The following COL23A1 variants were observed in gnomAD, a reference collection of about 807,000 sequenced individuals.
COL23A1 encodes the protein collagen alpha-1(XXIII) chain.
In COL23A1, 97 loss-of-function variants were observed where a neutral mutation model predicts 99.3. The ratio of observed to expected loss-of-function variants is 0.98; its 90% CI spans 0.83 to 1.16. The LOEUF (loss-of-function observed/expected upper bound fraction) is 1.16, where lower values mean the gene tolerates loss of function less well. COL23A1 is among the 50% of genes most tolerant of loss of function. The pLI, the probability that COL23A1 is intolerant of heterozygous loss-of-function variation, is 0.00. For missense variants in COL23A1, 762 were observed against 757.4 expected (o/e 1.01, Z -0.07); for synonymous variants, 320 against 308.2 (o/e 1.04, Z -0.40).
chr5:178,453,170 G>A (rs530167058), intron 2 of COL23A1, among the ~76,000 whole-genome samples: 12 of 152,280 alleles, frequency 7.9e-5, no homozygotes, highest in South Asian at 4.1e-4. Flanking sequence ...AGTAAGTGCC[G>A]TATGTTGTGT....
At chr5:178,248,306 C>A in intron 19 of COL23A1, 52 bp from the exon 20 acceptor site, 1 of 1,405,462 alleles carries the variant, frequency 7.1e-7, no homozygotes. Flanking sequence ...CCTGTATCAC[C>A]ACCCACGGTG....
At position 178,496,681 on chromosome 5, in the gene COL23A1, A is replaced by G. The variant is rs1388242205; in HGVS notation, c.361+64001T>C. Among the ~76,000 whole-genome samples the G allele has an allele frequency of 2.6e-5, 4 of 152,238 alleles. No homozygotes were observed. The East Asian group carries it at 7.7e-4, about 29-fold the overall frequency. The stretch of plus-strand genomic sequence containing the variant: ...AATCATGACTATGACAAAGAGGAGG[A>G]AGCCCATTCTAAGGACTAAACAAGC... On this transcript the variant is annotated intron_variant, in intron 2 of 28. Coordinates refer to ENST00000390654, the MANE Select transcript of COL23A1 (RefSeq NM_173465.4).
Position 178,340,471 on chromosome 5 carries a change from T to G in COL23A1, c.362-33552A>C, listed in dbSNP as rs575424196. 4.6e-5 allele frequency among the ~76,000 whole-genome samples: 7 copies of G among 152,292 alleles called. No individual in the cohort carries two copies. In the South Asian group the frequency reaches 8.3e-4, roughly 18 times the overall value. On this transcript the variant is annotated intron_variant, in intron 2 of 28. Coordinates refer to ENST00000390654, the MANE Select transcript of COL23A1 (RefSeq NM_173465.4). The surrounding 1 kb of genome is among the most constrained non-coding windows in gnomAD (Gnocchi z 4.7). ...CCACGACTCCAGCTACACTCCAGCC[T>G]TGAAGGATCTGAAGCCCACAGTGTG...
Position 178,439,030 on chromosome 5 carries a change from T to A in COL23A1, c.361+121652A>T, listed in dbSNP as rs1766717586. The A allele has an allele frequency of 6.6e-6, 1 of 152,222 alleles. No individual in the cohort carries two copies. The highest frequency in any genetic ancestry group is 1.5e-5 in the Non-Finnish European group (1 of 68,064). 9.4% of individuals were successfully genotyped at this position (152,222 alleles called of 1,614,324 possible). A position where few individuals can be genotyped will look rare whatever the true frequency, so the allele number is the denominator to read the frequency against. On this transcript the variant is annotated intron_variant, in intron 2 of 28. Transcript: ENST00000390654. This position sits in a 1 kb window ranked among gnomAD's most constrained non-coding sequence, Gnocchi z 4.2. ...CCTGAGAGCTTGACTCAGCCCAGTG[T>A]GCATTCAAATCACCTGGGAGCTTGA...
At chr5:178,391,626 T>C (rs915777414) in intron 2 of COL23A1, among the ~76,000 whole-genome samples, 1 of 152,150 alleles carries the variant, frequency 6.6e-6, no homozygotes, top group African/African-American at 2.4e-5. Context: ...CATCCATAGC[T>C]GGTGGGAATG....
intron 2 of COL23A1, among the ~76,000 whole-genome samples, chr5:178,457,115 A>G (rs985250008): frequency 3.3e-5 from 5 of 152,232 alleles, no homozygotes; most frequent in Non-Finnish European, 5.9e-5. Context: ...ACTTAAACAC[A>G]TCTACTCTCT....
intron 2 of COL23A1, among the ~76,000 whole-genome samples, chr5:178,323,534 G>C (rs1307558564): frequency 2.6e-5 from 4 of 152,090 alleles, no homozygotes; most frequent in African/African-American, 9.7e-5. Flanking sequence ...AACCGCAGAG[G>C]GTCCTTCCTG....
At chr5:178,490,719 G>A (rs149473677) in intron 2 of COL23A1, among the ~76,000 whole-genome samples, 1 of 152,166 alleles carries the variant, frequency 6.6e-6, no homozygotes, top group African/African-American at 2.4e-5. Context: ...TGAGACTGCA[G>A]TGAGCTATCA....
intron 2 of COL23A1, among the ~76,000 whole-genome samples, chr5:178,482,821 G>A (rs1403024182): frequency 1.3e-5 from 2 of 152,186 alleles, no homozygotes; most frequent in African/African-American, 2.4e-5. Flanking sequence ...AGAATGGTGT[G>A]AGCCTGGGAG....
intron 2 of COL23A1, among the ~76,000 whole-genome samples, chr5:178,372,687 C>A (rs1380467099): frequency 6.6e-6 from 1 of 152,064 alleles, no homozygotes; most frequent in African/African-American, 2.4e-5. Context: ...ACCCTCCCGT[C>A]TCAGCCTCCC....
intron 1 of COL23A1, among the ~76,000 whole-genome samples, chr5:178,588,910 G>A (rs415043): frequency 6.6e-6 from 1 of 152,126 alleles, no homozygotes; most frequent in Non-Finnish European, 1.5e-5. Flanking sequence ...TTGAGGATGC[G>A]CCCTTGGACA....
At chr5:178,244,796 A>G (rs1375093741) in intron 25 of COL23A1, among the ~76,000 whole-genome samples, 1 of 151,622 alleles carries the variant, frequency 6.6e-6, no homozygotes, top group Non-Finnish European at 1.5e-5. Flanking sequence ...GACTTGACAT[A>G]ATCAGCCTGG....
intron 5 of COL23A1, among the ~76,000 whole-genome samples, chr5:178,271,199 G>C (rs183256244): frequency 6.6e-6 from 1 of 152,148 alleles, no homozygotes; most frequent in East Asian, 1.9e-4. Context: ...GCTCCCCTCC[G>C]TGTGGGAGTG....
chr5:178,561,596 G>A (rs774985466), intron 1 of COL23A1, among the ~76,000 whole-genome samples: 63 of 152,214 alleles, frequency 4.1e-4, no homozygotes, highest in Middle Eastern at 3.4e-3. Context: ...TAGGTTGAGC[G>A]GAATGAAGCA....
At chr5:178,553,049 G>A (rs114006762) in intron 2 of COL23A1, among the ~76,000 whole-genome samples, 1 of 151,854 alleles carries the variant, frequency 6.6e-6, no homozygotes, top group Middle Eastern at 3.4e-3. Flanking sequence ...ACACGCCTGT[G>A]GTCCCAGCTA....
At chr5:178,279,663 C>A (rs970777276) in intron 5 of COL23A1, among the ~76,000 whole-genome samples, 1 of 152,178 alleles carries the variant, frequency 6.6e-6, no homozygotes, top group Non-Finnish European at 1.5e-5. Context: ...CAAGAGATGG[C>A]CAATTCCTCA....
chr5:178,558,326 C>T (rs1053682218), intron 2 of COL23A1, among the ~76,000 whole-genome samples: 1 of 152,094 alleles, frequency 6.6e-6, no homozygotes, highest in African/African-American at 2.4e-5. Flanking sequence ...ACCCTCAGTG[C>T]TAGTAAGGGG....
rs116872737 is a variant in COL23A1, at chr5:178,541,701, G to A, written c.361+18981C>T. On this transcript the variant is annotated intron_variant, in intron 2 of 28. Transcript: ENST00000390654. ...CTGAAAGACATATACTACATTGTTC[G>A]CAGCAGCTCTCTTCACGACAAAAAC... is the stretch of plus-strand genomic sequence containing the variant. 2.1e-3 allele frequency among the ~76,000 whole-genome samples: 326 copies of A among 152,254 alleles called. 3 individuals carry two copies. The highest frequency in any genetic ancestry group is 0.014 in the Admixed American group (214 of 15,298).
At chr5:178,482,208 T>A (rs1419129974) in intron 2 of COL23A1, among the ~76,000 whole-genome samples, 2 of 151,930 alleles carry the variant, frequency 1.3e-5, no homozygotes, top group East Asian at 3.9e-4. Context: ...AACCCAAATA[T>A]CCATCAACAG....
Sources: gnomAD v4.1 joint callset for allele counts (sites outside exome capture counted in the v4.1 genomes callset) on GRCh38, gnomAD v4.1.1 for gene constraint, Gnocchi (gnomAD v3.1) non-coding constraint, MANE v1.5 for transcripts, NCBI Gene and HGNC (gene_info 2026-07-23, HGNC 2026-07-21) for gene names.